Variants in THRAP3 observed in about 807,000 individuals in gnomAD.
THRAP3 encodes the protein thyroid hormone receptor associated protein 3, also known as thyroid hormone receptor-associated protein 3.
In THRAP3, 16 loss-of-function variants were observed where a neutral mutation model predicts 101.0. That is an observed-to-expected ratio of 0.16 (90% confidence interval 0.11 to 0.24). THRAP3 has a LOEUF of 0.24. Ranked by LOEUF, THRAP3 falls within the 10% of genes least tolerant of loss-of-function variation. The pLI, the probability that THRAP3 is intolerant of heterozygous loss-of-function variation, is 1.00. For missense variants in THRAP3, 989 were observed against 1,202.7 expected, an observed-to-expected ratio of 0.82 and a Z score of 2.63; for synonymous variants, 407 against 422.6, an observed-to-expected ratio of 0.96 and a Z score of 0.45.
At chr1:36,260,971 TTTG>T (rs1645438766) in intron 2 of THRAP3, among the ~76,000 whole-genome samples, 3 of 152,228 alleles carry the variant, frequency 2.0e-5, no homozygotes, top group Non-Finnish European at 4.4e-5. Flanking sequence ...TGTACAACTA[TTTG>T]TTTTCTGTTT....
intron 9 of THRAP3, among the ~76,000 whole-genome samples, chr1:36,298,572 C>T (rs888149224): frequency 7.2e-5 from 11 of 151,802 alleles, no homozygotes; most frequent in Admixed American, 2.0e-4. Flanking sequence ...TAGCTCACGG[C>T]ATCCTTGAAC....
chr1:36,253,983 C>T lies in THRAP3; in HGVS notation c.-134-5399C>T, dbSNP rs117301752. 6.6e-5 allele frequency among the ~76,000 whole-genome samples: 10 copies of T among 151,946 alleles called. No individual in the cohort carries two copies. The East Asian group carries it at 1.7e-3, about 26-fold the overall frequency. On this transcript the variant is annotated intron_variant, in intron 1 of 11. Coordinates refer to ENST00000354618, the MANE Select transcript of THRAP3 (RefSeq NM_005119.4). ...GCTAACTTCAAAGCTATTTGGTATC[C>T]GCAACAGTAATAGTGGTTAAGGGTG...
the THRAP3 span, among the ~76,000 whole-genome samples, chr1:36,217,489 G>T: frequency 6.6e-6 from 1 of 152,050 alleles, no homozygotes; most frequent in Non-Finnish European, 1.5e-5. Flanking sequence ...GGTTGGAAGA[G>T]ATCCAAGATA....
upstream of THRAP3, among the ~76,000 whole-genome samples, chr1:36,222,466 G>A (rs1290734586): frequency 6.6e-6 from 1 of 152,058 alleles, no homozygotes; most frequent in East Asian, 2.0e-4. Context: ...GAGTGCAGTG[G>A]CATGATCTCG....
intron 2 of THRAP3, among the ~76,000 whole-genome samples, chr1:36,264,208 G>T (rs952776148): frequency 7.2e-5 from 11 of 152,188 alleles, no homozygotes; most frequent in African/African-American, 2.4e-4. Context: ...CAAGAAAATA[G>T]AATCAGTTAT....
At chr1:36,297,513 A>G (rs1415463058) in intron 9 of THRAP3, among the ~76,000 whole-genome samples, 2 of 148,938 alleles carry the variant, frequency 1.3e-5, no homozygotes, top group Non-Finnish European at 3.0e-5. Context: ...CAGTGGCGCA[A>G]TCTCAGCTCA....
In THRAP3 at chr1:36,301,052, G is replaced by A; in HGVS notation, c.2470G>A (p.Glu824Lys). Residue 824 changes from glutamate (E) to lysine (K), a missense_variant, in exon 10 of 12, where the codon GAA (glutamate) becomes AAA (lysine). By Grantham distance (56) the Glu-to-Lys change is moderately conservative. Coordinates refer to ENST00000354618, the MANE Select transcript of THRAP3 (RefSeq NM_005119.4). ...GACCAAAGACTTTGTGGGTCCAAGT[G>A]AAAGAGGAGGTGGCAGAGCTCGAGG... ...LGTKDFVGPS[E>K]RGGGRARGTF... The A allele has an allele frequency of 6.2e-7, 1 of 1,614,186 alleles. No homozygotes were observed. Among genetic ancestry groups the A allele is most frequent in the Non-Finnish European group, 8.5e-7 (1 of 1,180,020 alleles).
chr1:36,230,526 G>A (rs1177290297), intron 1 of THRAP3, among the ~76,000 whole-genome samples: 1 of 152,114 alleles, frequency 6.6e-6, no homozygotes, highest in Non-Finnish European at 1.5e-5. Flanking sequence ...TCCTCCCAAA[G>A]TGCTGGGATT....
chr1:36,242,517 A>G (rs1263569832), intron 1 of THRAP3, among the ~76,000 whole-genome samples: 2 of 140,700 alleles, frequency 1.4e-5, no homozygotes, highest in Non-Finnish European at 3.0e-5. Context: ...CAGAGACGCG[A>G]TCTCCGCTCA....
In THRAP3 at chr1:36,304,014, G is replaced by A. The variant is rs374411909; in HGVS notation, c.2865G>A (p.Glu955=). Residue 955 remains glutamate (E), a synonymous_variant, in exon 12 of 12, where the codon GAG becomes GAA. Transcript: ENST00000354618. ...EEKDNIQPTT[E] is the part of the protein sequence containing the mutation. ...AGGACAATATACAGCCCACAACCGA[G>A]TAGGGGCCACCCTTGACGGGATTCC... The A allele has an allele frequency of 3.9e-6, 6 of 1,537,238 alleles. No individual in the cohort carries two copies. In the African/African-American group the frequency reaches 8.3e-5, roughly 21 times the overall value.
intron 4 of THRAP3, 21 bp from the exon 5 acceptor site, chr1:36,289,039 C>G (rs752425163): frequency 9.1e-6 from 14 of 1,545,146 alleles, no homozygotes; most frequent in Non-Finnish European, 1.2e-5. Context: ...TTGTGTCTCT[C>G]TCTTGTGTTT....
intron 1 of THRAP3, among the ~76,000 whole-genome samples, chr1:36,244,728 T>C (rs1375582402): frequency 6.6e-6 from 1 of 151,988 alleles, no homozygotes; most frequent in African/African-American, 2.4e-5. Context: ...GTGGGTTTTT[T>C]TTTTTTTTGA....
chr1:36,236,241 C>A (rs114425917), intron 1 of THRAP3, among the ~76,000 whole-genome samples: 1,441 of 78,190 alleles, frequency 0.018, 16 homozygotes, highest in African/African-American at 0.046. Context: ...AAAAAAAAAC[C>A]TTCATGACAG....
At position 36,287,408 on chromosome 1, in the gene THRAP3, T is replaced by G. The variant is rs549815083; in HGVS notation, c.1040+138T>G. The G allele has an allele frequency of 2.4e-5, 34 of 1,389,088 alleles. 1 individual carries two copies. In the South Asian group the frequency reaches 5.0e-4, roughly 20 times the overall value. 86.0% of individuals were successfully genotyped at this position (1,389,088 alleles called of 1,614,324 possible). Reference sequence around the variant, plus strand: ...TCCTAGACTTTTCGTTAGTAAACATTAAAAGCATCACCCAAGGAAACCTTT... The same window carrying G: ...TCCTAGACTTTTCGTTAGTAAACATGAAAAGCATCACCCAAGGAAACCTTT... On this transcript the variant is annotated intron_variant, in intron 4 of 11. Coordinates refer to ENST00000354618, the MANE Select transcript of THRAP3 (RefSeq NM_005119.4).
Position 36,282,553 on chromosome 1 carries a change from T to C in THRAP3, c.-11T>C. ...ATTAGGTGTAATTGAAAAGTGATCC[T>C]CTCTTCAGAGATGTCAAAAACAAAC... On this transcript the variant is annotated 5_prime_UTR_variant, in exon 3 of 12. Transcript: ENST00000354618. 6.2e-7 allele frequency: 1 copy of C among 1,613,124 alleles called. No individual in the cohort carries two copies. The highest frequency in any genetic ancestry group is 8.5e-7 in the Non-Finnish European group (1 of 1,179,442).
chr1:36,276,123 G>C (rs1433371898), intron 2 of THRAP3, among the ~76,000 whole-genome samples: 2 of 151,928 alleles, frequency 1.3e-5, no homozygotes, highest in Non-Finnish European at 2.9e-5. Flanking sequence ...AAGAAAACCT[G>C]GGAGTAAATC....
Position 36,239,894 on chromosome 1 carries a change from T to A in THRAP3, c.-135+15389T>A, listed in dbSNP as rs572684270. Among the ~76,000 whole-genome samples the A allele has an allele frequency of 4.6e-5, 7 of 152,362 alleles. 1 individual carries two copies. In the South Asian group the frequency reaches 1.4e-3, roughly 32 times the overall value. On this transcript the variant is annotated intron_variant, in intron 1 of 11. Transcript: ENST00000354618. ...ATAAAATTTTATCATCTTAATCATT[T>A]GTTTTTGTGGCTACATTTCACAATT... is the stretch of plus-strand genomic sequence containing the variant.
intron 1 of THRAP3, among the ~76,000 whole-genome samples, chr1:36,256,207 ATTGTTATTATTG>A (rs1174924372): frequency 4.2e-5 from 6 of 144,396 alleles, no homozygotes; most frequent in South Asian, 2.2e-4. Context: ...TATTATTATT[ATTGTTATTATTG>A]TTATTATTAT....
upstream of THRAP3, among the ~76,000 whole-genome samples, chr1:36,224,185 T>TGG (rs568855788): frequency 1.3e-3 from 199 of 152,220 alleles, no homozygotes; most frequent in African/African-American, 2.9e-3. Flanking sequence ...GCCCCTTCCG[T>TGG]CCACCGCCCT....
Sources: gnomAD v4.1 joint callset for allele counts (sites outside exome capture counted in the v4.1 genomes callset) on GRCh38, gnomAD v4.1.1 for gene constraint, MANE v1.5 for transcripts, NCBI Gene and HGNC (gene_info 2026-07-23, HGNC 2026-07-21) for gene names.